AP1S3: variants seen among roughly 807,000 people sequenced by gnomAD.
AP1S3 encodes adaptor related protein complex 1 subunit sigma 3, also known as AP-1 complex subunit sigma-3.
AP1S3 carries 10 observed loss-of-function variants against 20.9 expected under a neutral mutation model. That is an observed-to-expected ratio of 0.48 (90% CI 0.29 to 0.81). AP1S3 has a LOEUF of 0.81. Among genes scored for constraint, AP1S3 ranks in the 30% least tolerant of loss-of-function variants. The probability of loss-of-function intolerance (pLI) is 0.08; values close to 1 mark genes in which losing one functional copy is unlikely to be tolerated. For synonymous variants in AP1S3, 41 were observed against 61.5 expected, an observed-to-expected ratio of 0.67 and a Z score of 1.56; for missense variants, 154 against 183.8, an observed-to-expected ratio of 0.84 and a Z score of 0.94.
intron 3 of AP1S3, among the ~76,000 whole-genome samples, chr2:223,768,761 A>T (rs1690541015): frequency 6.6e-6 from 1 of 152,192 alleles, no homozygotes; most frequent in African/African-American, 2.4e-5. Context: ...AAGGTGAGGC[A>T]GAAGAATCAC....
At chr2:223,776,420 G>T (rs1017239181) in intron 2 of AP1S3, among the ~76,000 whole-genome samples, 1 of 152,194 alleles carries the variant, frequency 6.6e-6, no homozygotes, top group Non-Finnish European at 1.5e-5. Context: ...CAGTCATTCT[G>T]TGTGAGCCTC....
chr2:223,791,860 A>AATG (rs1691222345), intron 1 of AP1S3, among the ~76,000 whole-genome samples: 22 of 152,218 alleles, frequency 1.4e-4, no homozygotes, highest in Admixed American at 1.4e-3. Context: ...GAATGTGCAA[A>AATG]AATCACTAGC....
intron 1 of AP1S3, among the ~76,000 whole-genome samples, chr2:223,798,424 A>AG (rs1248690703): frequency 6.6e-6 from 1 of 152,228 alleles, no homozygotes; most frequent in African/African-American, 2.4e-5. Flanking sequence ...AACAACAATA[A>AG]GGGGAAAAAA....
intron 1 of AP1S3, among the ~76,000 whole-genome samples, chr2:223,792,335 C>T (rs1269352129): frequency 1.3e-5 from 2 of 152,084 alleles, no homozygotes; most frequent in African/African-American, 4.8e-5. Context: ...GGTACAAGAA[C>T]AGACACGTTG....
At chr2:223,784,280 A>G (rs138250583) in intron 1 of AP1S3, among the ~76,000 whole-genome samples, 1 of 151,758 alleles carries the variant, frequency 6.6e-6, no homozygotes, top group South Asian at 2.1e-4. Flanking sequence ...ATTTCATATC[A>G]CCACCATGCC....
At chr2:223,765,033 C>A in intron 4 of AP1S3, 180 bp downstream of exon 4, 1 of 843,102 alleles carries the variant, frequency 1.2e-6, no homozygotes, top group Non-Finnish European at 1.7e-6. Context: ...GTGGGAGTAA[C>A]AATACCACCT....
chr2:223,837,307 G>C, intron 1 of AP1S3, 141 bp downstream of exon 1: 2 of 356,170 alleles, frequency 5.6e-6, no homozygotes, highest in Non-Finnish European at 9.6e-6. Flanking sequence ...CGGGGCCACA[G>C]GGACGCACGG....
At chr2:223,807,198 T>C (rs866374801) in intron 1 of AP1S3, among the ~76,000 whole-genome samples, 4 of 152,106 alleles carry the variant, frequency 2.6e-5, no homozygotes, top group African/African-American at 9.7e-5. Context: ...GCCTGGGAGA[T>C]AGAGGTTGCA....
chr2:223,797,578 A>G (rs1197048447), intron 1 of AP1S3, among the ~76,000 whole-genome samples: 1 of 152,088 alleles, frequency 6.6e-6, no homozygotes, highest in East Asian at 1.9e-4. Context: ...CCTGGCCAAC[A>G]TGGCACAACC....
intron 1 of AP1S3, among the ~76,000 whole-genome samples, chr2:223,814,839 C>T (rs962712406): frequency 1.3e-5 from 2 of 152,272 alleles, no homozygotes; most frequent in East Asian, 1.9e-4. Flanking sequence ...TACAATGGCA[C>T]GATCACAGCT....
At chr2:223,834,565 G>A (rs188668824) in intron 1 of AP1S3, among the ~76,000 whole-genome samples, 110 of 152,044 alleles carry the variant, frequency 7.2e-4, no homozygotes, top group African/African-American at 2.3e-3. Flanking sequence ...ACTCTACTCT[G>A]GGTGATAGAA....
Position 223,757,791 on chromosome 2 carries a change from A to G in AP1S3, c.*924T>C. 1.0e-6 allele frequency: 1 copy of G among 985,410 alleles called. No homozygotes were observed. The highest frequency in any genetic ancestry group is 1.2e-6 in the Non-Finnish European group (1 of 829,880). 61.0% of individuals were successfully genotyped at this position (985,410 alleles called of 1,614,324 possible). On this transcript the variant is annotated 3_prime_UTR_variant, in exon 5 of 5. Transcript: ENST00000396654. ...TGTGATAATCTTAAATGCTCTAAGT[A>G]AGCCATGTAATAAGTCTTCAAATGC...
At chr2:223,833,574 G>C (rs1028297159) in intron 1 of AP1S3, among the ~76,000 whole-genome samples, 78 of 152,168 alleles carry the variant, frequency 5.1e-4, no homozygotes, top group African/African-American at 1.7e-3. Context: ...TAAAGTACTA[G>C]GTGCCTAGAT....
chr2:223,800,520 C>A, intron 1 of AP1S3, among the ~76,000 whole-genome samples: 1 of 139,444 alleles, frequency 7.2e-6, no homozygotes, highest in African/African-American at 2.7e-5. Flanking sequence ...CAGAGCAAGA[C>A]CCTGTCTCTT....
At chr2:223,819,363 C>T (rs1221283585) in intron 1 of AP1S3, among the ~76,000 whole-genome samples, 1 of 152,140 alleles carries the variant, frequency 6.6e-6, no homozygotes, top group Admixed American at 6.6e-5. Flanking sequence ...TGGAAATAAC[C>T]TTTCTTTACA....
chr2:223,825,273 A>G (rs1692101586), intron 1 of AP1S3, among the ~76,000 whole-genome samples: 2 of 151,410 alleles, frequency 1.3e-5, no homozygotes, highest in Admixed American at 6.6e-5. Flanking sequence ...AGATCGCGCC[A>G]CTGCACTCCA....
At chr2:223,783,372 AT>A in intron 1 of AP1S3, among the ~76,000 whole-genome samples, 1 of 152,130 alleles carries the variant, frequency 6.6e-6, no homozygotes, top group East Asian at 1.9e-4. Context: ...TTGTTAACAG[AT>A]TATCCTTCAA....
intron 1 of AP1S3, among the ~76,000 whole-genome samples, chr2:223,780,535 C>A (rs913856979): frequency 3.3e-5 from 5 of 151,188 alleles, no homozygotes; most frequent in Non-Finnish European, 1.5e-5. Context: ...AAGTGATTCC[C>A]CCCACCTTGG....
At chr2:223,771,213 T>C (rs957581134) in intron 3 of AP1S3, among the ~76,000 whole-genome samples, 2 of 152,040 alleles carry the variant, frequency 1.3e-5, no homozygotes, top group Non-Finnish European at 2.9e-5. Context: ...GGCACACGCC[T>C]GTAATCCCAG....
Sources: allele counts gnomAD v4.1 joint callset (sites outside exome capture counted in the v4.1 genomes callset), GRCh38; gene constraint gnomAD v4.1.1; transcripts MANE v1.5; gene names NCBI Gene and HGNC (gene_info 2026-07-23, HGNC 2026-07-21).